The following E2F7 variants were observed in gnomAD, a reference collection of about 807,000 sequenced individuals.
The protein encoded by E2F7 is E2F transcription factor 7, also known as transcription factor E2F7.
E2F7 carries 35 observed loss-of-function variants against 81.1 expected under a neutral mutation model. The ratio of observed to expected loss-of-function variants is 0.43; its 90% CI spans 0.33 to 0.57. E2F7 has a LOEUF of 0.57. Among genes scored for constraint, E2F7 ranks in the 20% least tolerant of loss-of-function variants. The pLI, the probability that E2F7 is intolerant of heterozygous loss-of-function variation, is 0.04. For synonymous variants in E2F7, 416 were observed against 416.2 expected (o/e 1.00, Z 0.01); for missense variants, 961 against 1,093.7 (o/e 0.88, Z 1.71).
Position 77,043,160 on chromosome 12 carries a change from G to C in E2F7, c.1028C>G (p.Thr343Ser). The change falls in exon 7 of 13, where the codon ACC becomes AGC. Residue 343 changes from threonine (T) to serine (S), a missense_variant. Coordinates refer to ENST00000322886, the MANE Select transcript of E2F7 (RefSeq NM_203394.3). ...CACTTTCTTTATCAGAGCCAAGCTG[G>C]TCAGAACATTGGCTATGTCATAGAG... is the stretch of plus-strand genomic sequence containing the variant. ...RRLYDIANVL[T>S]SLALIKKVHV... 6.2e-7 allele frequency: 1 copy of C among 1,614,116 alleles called. No individual in the cohort carries two copies. Among genetic ancestry groups the C allele is most frequent in the South Asian group, 1.1e-5 (1 of 91,078 alleles).
chr12:77,059,483 C>A (rs1429347446), intron 2 of E2F7, among the ~76,000 whole-genome samples: 1 of 152,174 alleles, frequency 6.6e-6, no homozygotes, highest in Non-Finnish European at 1.5e-5. Flanking sequence ...GTATCTATCT[C>A]CAAGGTTTTC....
intron 11 of E2F7, among the ~76,000 whole-genome samples, chr12:77,026,211 A>G (rs1163424716): frequency 6.6e-5 from 10 of 152,202 alleles, no homozygotes; most frequent in Admixed American, 6.5e-4. Context: ...GTGCCTGTGA[A>G]GTTTTTAACA....
At chr12:77,062,246 G>A (rs935504562) in intron 2 of E2F7, among the ~76,000 whole-genome samples, 1 of 152,140 alleles carries the variant, frequency 6.6e-6, no homozygotes, top group Non-Finnish European at 1.5e-5. Context: ...GATTTAGGGA[G>A]ATTAGGAAAC....
Position 77,046,058 on chromosome 12 carries a change from G to C in E2F7, c.809C>G (p.Ser270Cys). Residue 270 changes from serine to cysteine, a missense_variant, in exon 5 of 13, where the codon TCT becomes TGT. Physicochemically the swap from Ser to Cys is moderately radical, Grantham distance 112. Around this residue, in one of 3 missense-constraint regions of E2F7, gnomAD observed 301 missense variants for 405.0 expected, o/e 0.74. Transcript: ENST00000322886. ...DSQEQQLLDF[S>C]EPDCPSSSAN... ...CTCACAAGAGGGACAGTCGGGTTCA[G>C]AGAAATCCAGTAACTGTTGTTCCTG... The C allele has an allele frequency of 6.2e-7, 1 of 1,614,098 alleles. No homozygotes were observed. The highest frequency in any genetic ancestry group is 1.1e-5 in the South Asian group (1 of 91,076).
At position 77,030,203 on chromosome 12, in the gene E2F7, A is replaced by T. The variant is rs1954794763; in HGVS notation, c.1512T>A (p.Val504=). 1 of 1,614,046 alleles carries T rather than the reference A, an allele frequency of 6.2e-7. No homozygotes were observed. The highest frequency in any genetic ancestry group is 8.5e-7 in the Non-Finnish European group (1 of 1,180,014). The change falls in exon 10 of 13, where the codon GTT becomes GTA. Residue 504 remains valine, a synonymous_variant. Transcript: ENST00000322886. Reference sequence around the variant, plus strand: ...AGAATGCCTGCAGGTCCGTCTGAGCAACAGAAAATACTGGGTGGGCTAAAG... The same window carrying T: ...AGAATGCCTGCAGGTCCGTCTGAGCTACAGAAAATACTGGGTGGGCTAAAG... ...VNPLAHPVFS[V]AQTDLQAFSM...
chr12:77,051,142 C>T (rs776975040), intron 3 of E2F7, among the ~76,000 whole-genome samples: 1 of 152,118 alleles, frequency 6.6e-6, no homozygotes, highest in Non-Finnish European at 1.5e-5. Context: ...TTTCTAATGA[C>T]GTGGAAGTTT....
rs1183825142 is a variant in E2F7 at position 77,023,853 on chromosome 12, C to G, written c.*162G>C. 1 of 875,212 alleles carries G rather than the reference C, an allele frequency of 1.1e-6. No homozygotes were observed. The highest frequency in any genetic ancestry group is 1.7e-5 in the African/African-American group (1 of 59,182). The allele number at this position is 875,212 out of a possible 1,614,324, so 54.2% of individuals were successfully genotyped here. A position where few individuals can be genotyped will look rare whatever the true frequency, so the allele number is the denominator to read the frequency against. On this transcript the variant is annotated 3_prime_UTR_variant, in exon 13 of 13. Transcript: ENST00000322886. ...CTGGTATTAAATGCACAATTAATTA[C>G]TTTCAGGAAATCAGATGATTGATGG...
At position 77,059,834 on chromosome 12, in the gene E2F7, G is replaced by A. The variant is rs776271650; in HGVS notation, c.94-3704C>T. ...AAAAATTAGCTGGGCGTGGTGGCGG[G>A]CGCCTGTAGTCCCAGCTACTCTGGA... On this transcript the variant is annotated intron_variant, in intron 2 of 12. Coordinates refer to ENST00000322886, the MANE Select transcript of E2F7 (RefSeq NM_203394.3). Among the ~76,000 whole-genome samples the A allele has an allele frequency of 5.8e-4, 88 of 151,900 alleles. 3 individuals carry two copies. The highest frequency in any genetic ancestry group is 2.2e-4 in the Non-Finnish European group (15 of 67,954).
chr12:77,044,861 G>A (rs555336497), intron 5 of E2F7, 66 bp from the exon 6 acceptor site: 176 of 1,558,926 alleles, frequency 1.1e-4, no homozygotes, highest in Non-Finnish European at 1.5e-4. Context: ...TATACTTGCA[G>A]CTTGCCAAAA....
rs115333617 is a variant in E2F7, at chr12:77,054,834, T to A, written c.369+1021A>T. On this transcript the variant is annotated intron_variant, in intron 3 of 12. Transcript: ENST00000322886. ...AACAAAAGGCACATTTAATCTTATT[T>A]AGTTTTTAGAACCCCAATAAAACCA... is the stretch of plus-strand genomic sequence containing the variant. 8.3e-3 allele frequency among the ~76,000 whole-genome samples: 1,258 copies of A among 152,272 alleles called. 16 individuals carry two copies. Among genetic ancestry groups the A allele is most frequent in the African/African-American group, 0.029 (1,203 of 41,548 alleles).
At chr12:77,024,486 C>T (rs1954742318) in intron 12 of E2F7, among the ~76,000 whole-genome samples, 1 of 152,184 alleles carries the variant, frequency 6.6e-6, no homozygotes, top group Admixed American at 6.5e-5. Flanking sequence ...CCCTCAGTTT[C>T]TTCCTCCATC....
intron 10 of E2F7, 47 bp from the exon 11 acceptor site, chr12:77,028,185 G>A: frequency 6.4e-7 from 1 of 1,570,004 alleles, no homozygotes. Context: ...TAAAATTCCA[G>A]TAGTAAATCT....
At chr12:77,060,608 G>A (rs1419887180) in intron 2 of E2F7, among the ~76,000 whole-genome samples, 2 of 142,914 alleles carry the variant, frequency 1.4e-5, no homozygotes, top group Non-Finnish European at 3.1e-5. Flanking sequence ...CAGTCCCCCT[G>A]CTACTCAAAC....
chr12:77,030,778 T>G (rs1352234898), intron 9 of E2F7, among the ~76,000 whole-genome samples: 1 of 152,186 alleles, frequency 6.6e-6, no homozygotes, highest in Admixed American at 6.5e-5. Flanking sequence ...TCACCCTGCC[T>G]CGGGTGAGCC....
At chr12:77,062,784 C>A (rs1159507939) in intron 2 of E2F7, among the ~76,000 whole-genome samples, 4 of 150,890 alleles carry the variant, frequency 2.7e-5, no homozygotes, top group Admixed American at 2.0e-4. Context: ...CTGAACCATC[C>A]AAATTGGAAA....
intron 4 of E2F7, among the ~76,000 whole-genome samples, chr12:77,049,984 T>A (rs1954973318): frequency 6.6e-6 from 1 of 152,068 alleles, no homozygotes; most frequent in African/African-American, 2.4e-5. Flanking sequence ...GAAGCAGGTG[T>A]ATACATATTT....
chr12:77,056,914 G>T (rs61932804), intron 2 of E2F7, among the ~76,000 whole-genome samples: 11,232 of 149,974 alleles, frequency 0.075, 574 homozygotes, highest in Middle Eastern at 0.12. Flanking sequence ...AAAAGATAGG[G>T]TCTCACTCTG....
chr12:77,039,985 C>T, intron 7 of E2F7, among the ~76,000 whole-genome samples: 1 of 152,084 alleles, frequency 6.6e-6, no homozygotes, highest in East Asian at 1.9e-4. Context: ...CAAAAGAGTA[C>T]AGGTTATAGT....
chr12:77,047,974 G>T (rs1462986235), intron 4 of E2F7, among the ~76,000 whole-genome samples: 1 of 152,162 alleles, frequency 6.6e-6, no homozygotes, highest in African/African-American at 2.4e-5. Flanking sequence ...ATGCCCGGCT[G>T]TTTTGTTAGT....
Sources: allele counts gnomAD v4.1 joint callset (sites outside exome capture counted in the v4.1 genomes callset), GRCh38; gene constraint gnomAD v4.1.1; regional missense constraint gnomAD v4.1.1; transcripts MANE v1.5; gene names NCBI Gene and HGNC (gene_info 2026-07-23, HGNC 2026-07-21).